ZNF804A: variants seen among roughly 807,000 people sequenced by gnomAD.
ZNF804A encodes zinc finger protein 804A.
In ZNF804A, 2 loss-of-function variants were observed where a neutral mutation model predicts 16.5. The observed-to-expected ratio is 0.12, with a 90% CI of 0.05 to 0.38. The LOEUF (loss-of-function observed/expected upper bound fraction) is 0.38, where lower values mean the gene tolerates loss of function less well. ZNF804A is among the 10% of genes least tolerant of loss of function. The pLI is 0.99. For synonymous variants in ZNF804A, 534 were observed against 489.6 expected, an observed-to-expected ratio of 1.09 and a Z score of -1.20; for missense variants, 1,473 against 1,390.7, an observed-to-expected ratio of 1.06 and a Z score of -0.94.
chr2:184,693,043 C>T (rs1692759006), intron 1 of ZNF804A, among the ~76,000 whole-genome samples: 1 of 152,004 alleles, frequency 6.6e-6, no homozygotes, highest in Admixed American at 6.6e-5. Context: ...AATTGTGATA[C>T]TACAAATATA....
Position 184,937,324 on chromosome 2 carries a change from A to G in ZNF804A, c.1928A>G (p.Tyr643Cys), listed in dbSNP as rs1685808506. ...TTGGAACCAATTTCAGAAAAGCAGT[A>G]TTTAGCTGCAGAGCAATTATTAGAC... is the stretch of plus-strand genomic sequence containing the variant. ...YLLEPISEKQ[Y>C]LAAEQLLDSH... Residue 643 changes from tyrosine (Y) to cysteine (C), a missense_variant, in exon 4 of 4, where the codon TAT (tyrosine) becomes TGT (cysteine). Physicochemically the swap from Tyr to Cys is radical, Grantham distance 194 (BLOSUM62 -2). Transcript: ENST00000302277. 1.2e-6 allele frequency: 2 copies of G among 1,613,982 alleles called. No homozygotes were observed. Among genetic ancestry groups the G allele is most frequent in the African/African-American group, 1.3e-5 (1 of 75,060 alleles).
chr2:184,844,829 G>T (rs1285820432), intron 1 of ZNF804A, among the ~76,000 whole-genome samples: 1 of 151,292 alleles, frequency 6.6e-6, no homozygotes, highest in Non-Finnish European at 1.5e-5. Flanking sequence ...TCTCTCTCCA[G>T]CTTTTGATAT....
chr2:184,654,391 T>C (rs913397769), intron 1 of ZNF804A, among the ~76,000 whole-genome samples: 4 of 152,058 alleles, frequency 2.6e-5, no homozygotes, highest in African/African-American at 4.8e-5. Flanking sequence ...GCAAAAAAAA[T>C]TGGGAAGGTG....
intron 1 of ZNF804A, among the ~76,000 whole-genome samples, chr2:184,676,930 T>G (rs1027568671): frequency 1.1e-4 from 16 of 151,838 alleles, no homozygotes; most frequent in Non-Finnish European, 1.3e-4. Flanking sequence ...TAAATTTTAT[T>G]AAAAAAATAT....
chr2:184,613,517 C>G (rs1283165797), intron 1 of ZNF804A, among the ~76,000 whole-genome samples: 1 of 152,140 alleles, frequency 6.6e-6, no homozygotes, highest in Non-Finnish European at 1.5e-5. Flanking sequence ...TAAGATTTGG[C>G]AAAACCTGAA....
intron 1 of ZNF804A, among the ~76,000 whole-genome samples, chr2:184,732,079 T>C (rs1693529086): frequency 2.6e-5 from 4 of 152,132 alleles, no homozygotes; most frequent in Admixed American, 2.6e-4. Flanking sequence ...TATCAGTTCT[T>C]TCCTTTGTGG....
At chr2:184,765,028 G>A (rs969730337) in intron 1 of ZNF804A, among the ~76,000 whole-genome samples, 1 of 152,072 alleles carries the variant, frequency 6.6e-6, no homozygotes, top group Non-Finnish European at 1.5e-5. Context: ...AATTTTATGT[G>A]AAAAATTCTT....
At chr2:184,681,271 A>C (rs1574160042) in intron 1 of ZNF804A, among the ~76,000 whole-genome samples, 1 of 152,270 alleles carries the variant, frequency 6.6e-6, no homozygotes, top group African/African-American at 2.4e-5. Flanking sequence ...AGAGACTTCA[A>C]GAGCCTACAC....
chr2:184,663,705 A>G (rs758007436), intron 1 of ZNF804A, among the ~76,000 whole-genome samples: 1 of 152,162 alleles, frequency 6.6e-6, no homozygotes, highest in Non-Finnish European at 1.5e-5. Flanking sequence ...ATGGCAACCC[A>G]TGGACCAATC....
intron 1 of ZNF804A, among the ~76,000 whole-genome samples, chr2:184,611,780 A>C (rs1015481594): frequency 6.6e-6 from 1 of 152,184 alleles, no homozygotes. Flanking sequence ...GTCAGTTTAA[A>C]TTTTGTTAGC....
intron 1 of ZNF804A, among the ~76,000 whole-genome samples, chr2:184,746,061 C>T (rs1464980280): frequency 6.6e-6 from 1 of 151,302 alleles, no homozygotes; most frequent in African/African-American, 2.4e-5. Flanking sequence ...TTTTTTTTCA[C>T]ATTTTTCCAA....
intron 1 of ZNF804A, among the ~76,000 whole-genome samples, chr2:184,643,263 G>C (rs1351643106): frequency 6.6e-6 from 1 of 151,862 alleles, no homozygotes; most frequent in African/African-American, 2.4e-5. Context: ...TATAGTGAAA[G>C]GTTCTTATTT....
intron 1 of ZNF804A, among the ~76,000 whole-genome samples, chr2:184,717,263 T>C (rs1693229902): frequency 6.6e-6 from 1 of 152,230 alleles, no homozygotes; most frequent in Non-Finnish European, 1.5e-5. Context: ...TTTATTTTTG[T>C]CTTCCCAGTT....
intron 1 of ZNF804A, among the ~76,000 whole-genome samples, chr2:184,847,010 CA>C (rs1323735800): frequency 6.6e-6 from 1 of 152,098 alleles, no homozygotes; most frequent in Non-Finnish European, 1.5e-5. Flanking sequence ...TAAATAATCA[CA>C]GAAGAGAAAT....
chr2:184,826,499 T>A (rs1695170597), intron 1 of ZNF804A, among the ~76,000 whole-genome samples: 1 of 152,110 alleles, frequency 6.6e-6, no homozygotes, highest in Admixed American at 6.6e-5. Flanking sequence ...TTTGTGAAAT[T>A]GTTTAAAAAT....
intron 2 of ZNF804A, among the ~76,000 whole-genome samples, chr2:184,874,497 C>T (rs938613464): frequency 6.6e-6 from 1 of 152,058 alleles, no homozygotes; most frequent in African/African-American, 2.4e-5. Flanking sequence ...CAGGGAAATA[C>T]TAACTCAGTA....
At chr2:184,756,854 C>T (rs1693966329) in intron 1 of ZNF804A, among the ~76,000 whole-genome samples, 2 of 151,896 alleles carry the variant, frequency 1.3e-5, no homozygotes, top group South Asian at 4.1e-4. Context: ...ATTTGTTTCC[C>T]TGCTTTTATA....
rs1008617016 is a variant in ZNF804A at position 184,883,609 on chromosome 2, A to G, written c.255+17097A>G. Reference sequence around the variant, plus strand: ...TCAAAAAGCTAATCCACCACAATCAATTAGGATTTTTCCCTGGGATGCAAG... The same window carrying G: ...TCAAAAAGCTAATCCACCACAATCAGTTAGGATTTTTCCCTGGGATGCAAG... On this transcript the variant is annotated intron_variant, in intron 2 of 3. Transcript: ENST00000302277. Among the ~76,000 whole-genome samples the G allele has an allele frequency of 3.9e-5, 6 of 152,236 alleles. No individual in the cohort carries two copies. The East Asian group carries it at 5.8e-4, about 15-fold the overall frequency.
At chr2:184,696,961 A>G (rs970507382) in intron 1 of ZNF804A, among the ~76,000 whole-genome samples, 2 of 152,022 alleles carry the variant, frequency 1.3e-5, no homozygotes, top group African/African-American at 4.8e-5. Flanking sequence ...AGAAGTGAAA[A>G]TTATTAATAT....
Sources: gnomAD v4.1 joint callset for allele counts (sites outside exome capture counted in the v4.1 genomes callset) on GRCh38, gnomAD v4.1.1 for gene constraint, MANE v1.5 for transcripts, NCBI Gene and HGNC (gene_info 2026-07-23, HGNC 2026-07-21) for gene names.